FOXP1: variants seen among roughly 807,000 people sequenced by gnomAD.
FOXP1 encodes forkhead box protein P1.
A neutral mutation model predicts 98.2 loss-of-function variants in FOXP1; 15 were observed. The ratio of observed to expected loss-of-function variants is 0.15; its 90% CI spans 0.10 to 0.24. FOXP1 has a LOEUF of 0.24. FOXP1 is among the 10% of genes least tolerant of loss of function. FOXP1 has a pLI of 1.00. For missense variants in FOXP1, 633 were observed against 848.5 expected, an observed-to-expected ratio of 0.75 and a Z score of 3.15; for synonymous variants, 371 against 314.5, an observed-to-expected ratio of 1.18 and a Z score of -1.90.
At chr3:71,511,119 T>C (rs757861184) in intron 2 of FOXP1, among the ~76,000 whole-genome samples, 2 of 152,200 alleles carry the variant, frequency 1.3e-5, no homozygotes, top group Non-Finnish European at 2.9e-5. Context: ...AAATAGTGTA[T>C]GTTAAATAAG....
chr3:71,326,329 A>G (rs1405075295), intron 4 of FOXP1, among the ~76,000 whole-genome samples: 1 of 152,216 alleles, frequency 6.6e-6, no homozygotes, highest in Non-Finnish European at 1.5e-5. Flanking sequence ...ATGGGGACTC[A>G]ATGGGCAAGA....
intron 5 of FOXP1, among the ~76,000 whole-genome samples, chr3:71,286,755 A>G (rs1341913120): frequency 6.6e-6 from 1 of 152,236 alleles, no homozygotes; most frequent in Admixed American, 6.5e-5. Flanking sequence ...AAATGTTGTC[A>G]TCAAAGTTGA....
intron 2 of FOXP1, among the ~76,000 whole-genome samples, chr3:71,556,395 G>A (rs1037384115): frequency 1.3e-5 from 2 of 151,984 alleles, no homozygotes; most frequent in Non-Finnish European, 2.9e-5. Flanking sequence ...GGCTAACATG[G>A]TGAAACTCTG....
intron 2 of FOXP1, among the ~76,000 whole-genome samples, chr3:71,537,764 G>T (rs2044423938): frequency 6.6e-6 from 1 of 152,240 alleles, no homozygotes; most frequent in Admixed American, 6.5e-5. Context: ...CAGCACAGAG[G>T]TTGGCAAACT....
intron 2 of FOXP1, among the ~76,000 whole-genome samples, chr3:71,531,111 C>T (rs2043811137): frequency 6.6e-6 from 1 of 152,160 alleles, no homozygotes; most frequent in Non-Finnish European, 1.5e-5. Context: ...TCCTTATTTC[C>T]ACTATCTCCA....
intron 12 of FOXP1, among the ~76,000 whole-genome samples, chr3:71,002,631 G>T (rs571129079): frequency 6.6e-6 from 1 of 152,280 alleles, no homozygotes; most frequent in African/African-American, 2.4e-5. Flanking sequence ...TCTTGAAACT[G>T]CATGCAAAAG....
At chr3:71,302,530 A>AG (rs959293783) in intron 4 of FOXP1, among the ~76,000 whole-genome samples, 1 of 150,964 alleles carries the variant, frequency 6.6e-6, no homozygotes, top group African/African-American at 2.4e-5. Flanking sequence ...AAAAAAAAAA[A>AG]AGATAAAGAT....
intron 3 of FOXP1, among the ~76,000 whole-genome samples, chr3:71,485,421 C>T (rs1335596078): frequency 6.6e-6 from 1 of 152,180 alleles, no homozygotes; most frequent in Non-Finnish European, 1.5e-5. Flanking sequence ...TGTCATTTCA[C>T]TCTTAGATAA....
chr3:71,418,321 C>A (rs185157416), intron 3 of FOXP1, among the ~76,000 whole-genome samples: 2 of 152,286 alleles, frequency 1.3e-5, no homozygotes, highest in Non-Finnish European at 2.9e-5. Context: ...CATGGATCCC[C>A]ACAGAACCTT....
chr3:71,029,736 T>C (rs2046615040), intron 11 of FOXP1, among the ~76,000 whole-genome samples: 1 of 152,178 alleles, frequency 6.6e-6, no homozygotes. Context: ...CATATACTTC[T>C]ATCACCATAG....
intron 6 of FOXP1, among the ~76,000 whole-genome samples, chr3:71,191,772 GGCT>G (rs1258655514): frequency 4.6e-5 from 7 of 152,072 alleles, no homozygotes; most frequent in Non-Finnish European, 8.8e-5. Flanking sequence ...TCAGTGTTGT[GGCT>G]GCTTTTTCTT....
intron 3 of FOXP1, among the ~76,000 whole-genome samples, chr3:71,426,778 T>C (rs1341869492): frequency 6.6e-6 from 1 of 152,112 alleles, no homozygotes; most frequent in Non-Finnish European, 1.5e-5. Context: ...AAACATCAGA[T>C]GCAGCCAGGC....
At chr3:71,133,354 T>C (rs1043714616) in intron 6 of FOXP1, among the ~76,000 whole-genome samples, 1 of 152,226 alleles carries the variant, frequency 6.6e-6, no homozygotes, top group Non-Finnish European at 1.5e-5. Flanking sequence ...AGGGCCACCA[T>C]TTTTAAAAGA....
At chr3:70,961,887 C>T (rs933766194) in intron 20 of FOXP1, among the ~76,000 whole-genome samples, 4 of 151,946 alleles carry the variant, frequency 2.6e-5, no homozygotes, top group African/African-American at 4.8e-5. Context: ...ACAGTAAGAC[C>T]CCTATCTCTA....
At chr3:71,371,730 G>A (rs755716354) in intron 3 of FOXP1, among the ~76,000 whole-genome samples, 13 of 152,102 alleles carry the variant, frequency 8.5e-5, no homozygotes, top group African/African-American at 2.2e-4. Context: ...TTGAGGCTGC[G>A]GGGAGCTACA....
intron 4 of FOXP1, among the ~76,000 whole-genome samples, chr3:71,310,252 T>C (rs2074589318): frequency 6.6e-6 from 1 of 152,218 alleles, no homozygotes; most frequent in South Asian, 2.1e-4. Flanking sequence ...AGCATTTTAT[T>C]TACTTATATA....
rs906084948 is a variant in FOXP1, at chr3:71,522,982, G to A, written c.-297-29427C>T. ...CTGAGCGAAAAGAGAAGGTGGATCC[G>A]AATGTGACCTTACTTGGAATATGAT... On this transcript the variant is annotated intron_variant, in intron 2 of 20. Coordinates refer to ENST00000649528, the MANE Select transcript of FOXP1 (RefSeq NM_001349338.3). Among the ~76,000 whole-genome samples, 10 of 152,306 alleles carry A rather than the reference G, an allele frequency of 6.6e-5. No homozygotes were observed. The East Asian group carries it at 7.7e-4, about 12-fold the overall frequency.
intron 11 of FOXP1, among the ~76,000 whole-genome samples, chr3:71,025,442 A>C (rs1022755596): frequency 1.3e-5 from 2 of 152,098 alleles, no homozygotes; most frequent in Non-Finnish European, 2.9e-5. Flanking sequence ...ATCTGACCTA[A>C]AAATGTCTAT....
intron 6 of FOXP1, among the ~76,000 whole-genome samples, chr3:71,129,260 T>A (rs1035455397): frequency 3.3e-5 from 5 of 152,206 alleles, no homozygotes; most frequent in African/African-American, 1.2e-4. Flanking sequence ...AAATTGTCCT[T>A]AAGGCAGTCG....
Sources: allele counts gnomAD v4.1 joint callset (sites outside exome capture counted in the v4.1 genomes callset), GRCh38; gene constraint gnomAD v4.1.1; transcripts MANE v1.5; gene names NCBI Gene and HGNC (gene_info 2026-07-23, HGNC 2026-07-21).